The following HTR1F variants were observed in gnomAD, a reference collection of about 807,000 sequenced individuals.
HTR1F encodes 5-hydroxytryptamine receptor 1F.
In HTR1F, 17 loss-of-function variants were observed where a neutral mutation model predicts 24.0. The observed-to-expected ratio is 0.71, with a 90% CI of 0.48 to 1.06. The LOEUF (loss-of-function observed/expected upper bound fraction) is 1.06, where lower values mean the gene tolerates loss of function less well. HTR1F is among the 50% of genes least tolerant of loss of function. HTR1F has a pLI of 0.00. For missense variants in HTR1F, 391 were observed against 427.8 expected (o/e 0.91, Z 0.76); for synonymous variants, 186 against 156.8 (o/e 1.19, Z -1.39).
In HTR1F at chr3:87,991,883, T is replaced by G; in HGVS notation, c.*33T>G. 1 of 1,502,358 alleles carries G rather than the reference T, an allele frequency of 6.7e-7. No homozygotes were observed. Among genetic ancestry groups the G allele is most frequent in the Non-Finnish European group, 8.9e-7 (1 of 1,124,864 alleles). 93.1% of individuals were successfully genotyped at this position (1,502,358 alleles called of 1,614,324 possible). ...AATGTTTATTATTGAAGGATGGGGGTTTTTGAGGGGAGGAATAACTAGATG... is the reference window on the plus strand; with the variant it reads ...AATGTTTATTATTGAAGGATGGGGGGTTTTGAGGGGAGGAATAACTAGATG... On this transcript the variant is annotated 3_prime_UTR_variant, in exon 3 of 3. Transcript: ENST00000319595.
intron 2 of HTR1F, among the ~76,000 whole-genome samples, chr3:87,927,717 CATTT>C (rs972058999): frequency 1.3e-5 from 2 of 152,108 alleles, no homozygotes; most frequent in Non-Finnish European, 1.5e-5. Flanking sequence ...TAAATTATTG[CATTT>C]ATTTATTTAT....
chr3:87,892,415 T>C (rs945008076), intron 2 of HTR1F, among the ~76,000 whole-genome samples: 18 of 152,206 alleles, frequency 1.2e-4, no homozygotes, highest in African/African-American at 4.3e-4. Flanking sequence ...TTCATTGTTA[T>C]GTTTGTTTGC....
rs141488756 is a variant in HTR1F at position 87,848,421 on chromosome 3, G to A, written c.-43+26297G>A. Among the ~76,000 whole-genome samples, 685 of 151,568 alleles carry A rather than the reference G, an allele frequency of 4.5e-3. 18 individuals carry two copies. Among genetic ancestry groups the A allele is most frequent in the African/African-American group, 0.016 (654 of 41,138 alleles). ...CTTGTACATTTTGGATATTCCATGCGGAACAAGTAATTTGCAAATTTTTTC... is the reference window on the plus strand; with the variant it reads ...CTTGTACATTTTGGATATTCCATGCAGAACAAGTAATTTGCAAATTTTTTC... On this transcript the variant is annotated intron_variant, in intron 2 of 2. Transcript: ENST00000319595.
At chr3:87,956,567 T>G (rs1559648175) in intron 2 of HTR1F, among the ~76,000 whole-genome samples, 2 of 151,388 alleles carry the variant, frequency 1.3e-5, no homozygotes, top group Non-Finnish European at 3.0e-5. Context: ...ATGTGGAATC[T>G]ATAGATAAAT....
Position 87,919,908 on chromosome 3 carries a change from T to C in HTR1F, c.-42-70800T>C, listed in dbSNP as rs138690558. Among the ~76,000 whole-genome samples, 131 of 151,906 alleles carry C rather than the reference T, an allele frequency of 8.6e-4. No homozygotes were observed. In the Middle Eastern group the frequency reaches 0.01, roughly 12 times the overall value. On this transcript the variant is annotated intron_variant, in intron 2 of 2. Coordinates refer to ENST00000319595, the MANE Select transcript of HTR1F (RefSeq NM_001322209.2). ...AAAGGGAGTCATTACACGAAAAAAA[T>C]ACTCATACATGCATGTTTATAGCAG...
At chr3:87,953,670 A>G (rs1235943356) in intron 2 of HTR1F, among the ~76,000 whole-genome samples, 1 of 151,868 alleles carries the variant, frequency 6.6e-6, no homozygotes, top group African/African-American at 2.4e-5. Flanking sequence ...ATAAGCTAGC[A>G]ATCTCACTAC....
chr3:87,959,767 G>GTT (rs5850818), intron 2 of HTR1F, among the ~76,000 whole-genome samples: 22 of 140,748 alleles, frequency 1.6e-4, no homozygotes, highest in African/African-American at 4.1e-4. Flanking sequence ...ACCACCATGG[G>GTT]TTTTTTTTTT....
chr3:87,868,220 C>T (rs1212608058), intron 2 of HTR1F, among the ~76,000 whole-genome samples: 1 of 152,044 alleles, frequency 6.6e-6, no homozygotes, highest in Non-Finnish European at 1.5e-5. Flanking sequence ...CTCATTGTTT[C>T]TTCTAGCCCT....
At chr3:87,915,579 C>T (rs1252976148) in intron 2 of HTR1F, among the ~76,000 whole-genome samples, 1 of 151,916 alleles carries the variant, frequency 6.6e-6, no homozygotes, top group African/African-American at 2.4e-5. Context: ...AATCGGAAGA[C>T]CAATAGAATT....
At chr3:87,828,624 G>C (rs1261647338) in intron 2 of HTR1F, among the ~76,000 whole-genome samples, 1 of 152,190 alleles carries the variant, frequency 6.6e-6, no homozygotes, top group Non-Finnish European at 1.5e-5. Flanking sequence ...TAGCCAGAAA[G>C]AGTGAAATCA....
At chr3:87,810,924 C>G (rs1351062370) in intron 1 of HTR1F, among the ~76,000 whole-genome samples, 1 of 152,126 alleles carries the variant, frequency 6.6e-6, no homozygotes, top group Non-Finnish European at 1.5e-5. Context: ...TGGAACTCAT[C>G]TGAGATAGAT....
chr3:87,882,930 T>A (rs1188054603), intron 2 of HTR1F, among the ~76,000 whole-genome samples: 1 of 152,192 alleles, frequency 6.6e-6, no homozygotes, highest in African/African-American at 2.4e-5. Context: ...CCTGTCTGAC[T>A]GCTCTGAAGA....
chr3:87,943,525 T>A (rs1704620657), intron 2 of HTR1F, among the ~76,000 whole-genome samples: 1 of 150,124 alleles, frequency 6.7e-6, no homozygotes, highest in African/African-American at 2.4e-5. Flanking sequence ...TACCCCTTTG[T>A]CTATCTCTTT....
chr3:87,900,773 C>A (rs773687476), intron 2 of HTR1F, among the ~76,000 whole-genome samples: 1 of 152,126 alleles, frequency 6.6e-6, no homozygotes, highest in Non-Finnish European at 1.5e-5. Flanking sequence ...TACTGAGCAT[C>A]TGGAAGAGTT....
At chr3:87,929,051 A>T (rs991907596) in intron 2 of HTR1F, among the ~76,000 whole-genome samples, 3 of 152,220 alleles carry the variant, frequency 2.0e-5, no homozygotes, top group African/African-American at 7.2e-5. Context: ...GCTGGAGGTA[A>T]AAAAGGATAT....
intron 2 of HTR1F, among the ~76,000 whole-genome samples, chr3:87,823,087 T>C (rs1321424390): frequency 1.3e-5 from 2 of 152,216 alleles, no homozygotes; most frequent in African/African-American, 4.8e-5. Flanking sequence ...GTCATATATA[T>C]GGATTTTAAT....
intron 2 of HTR1F, among the ~76,000 whole-genome samples, chr3:87,835,408 C>T (rs943280714): frequency 1.6e-4 from 24 of 152,200 alleles, no homozygotes; most frequent in African/African-American, 5.3e-4. Context: ...AATCGGGGGA[C>T]TTTTCTGAGC....
intron 2 of HTR1F, among the ~76,000 whole-genome samples, chr3:87,902,445 G>C (rs948886172): frequency 2.6e-5 from 4 of 152,064 alleles, no homozygotes; most frequent in Non-Finnish European, 5.9e-5. Context: ...CTAAATGTGA[G>C]AAGATAGGAA....
At chr3:87,943,916 G>T (rs1157456371) in intron 2 of HTR1F, among the ~76,000 whole-genome samples, 5 of 152,088 alleles carry the variant, frequency 3.3e-5, no homozygotes, top group African/African-American at 1.2e-4. Context: ...TTTGCCTTGG[G>T]GGGAACATTT....
Sources: gnomAD v4.1 joint callset for allele counts (sites outside exome capture counted in the v4.1 genomes callset) on GRCh38, gnomAD v4.1.1 for gene constraint, MANE v1.5 for transcripts, NCBI Gene and HGNC (gene_info 2026-07-23, HGNC 2026-07-21) for gene names.